MAP1B: variants seen among roughly 807,000 people sequenced by gnomAD.
MAP1B encodes microtubule-associated protein 1B.
In MAP1B, 12 loss-of-function variants were observed where a neutral mutation model predicts 176.1. The observed-to-expected ratio is 0.07, with a 90% CI of 0.04 to 0.11. The LOEUF is 0.11. Among genes scored for constraint, MAP1B ranks in the 10% least tolerant of loss-of-function variants. The pLI is 1.00. For missense variants in MAP1B, 2,523 were observed against 2,990.5 expected (o/e 0.84, Z 3.65); for synonymous variants, 1,044 against 1,135.0 (o/e 0.92, Z 1.61).
In MAP1B at chr5:72,145,916, T is replaced by C. The variant is rs142594897; in HGVS notation, c.286+30117T>C. On this transcript the variant is annotated intron_variant, in intron 2 of 6. Transcript: ENST00000296755. ...CACCAGCCAAATCCATTAAATTTCA[T>C]TGAGGAGTGAAGTAAGACCCAGAAA... 3.0e-4 allele frequency among the ~76,000 whole-genome samples: 45 copies of C among 152,326 alleles called. 1 individual carries two copies. Among genetic ancestry groups the C allele is most frequent in the East Asian group, 1.7e-3 (9 of 5,188 alleles).
chr5:72,186,470 G>A lies in MAP1B; in HGVS notation c.370-144G>A. ...CATTCAACCCTCCCGTGCTCTTCTG[G>A]CCTCCAGGAGAAATTAGACCTTTGG... is the stretch of plus-strand genomic sequence containing the variant. On this transcript the variant is annotated intron_variant, in intron 3 of 6. Transcript: ENST00000296755. This position sits in a 1 kb window ranked among gnomAD's most constrained non-coding sequence, Gnocchi z 4.3. 1.0e-6 allele frequency: 1 copy of A among 956,262 alleles called. No individual in the cohort carries two copies. The highest frequency in any genetic ancestry group is 1.6e-6 in the Non-Finnish European group (1 of 636,436). The allele number at this position is 956,262 out of a possible 1,614,324, so 59.2% of individuals were successfully genotyped here.
chr5:72,197,101 A>C lies in MAP1B; in HGVS notation c.3746A>C (p.Glu1249Ala). 3.7e-6 allele frequency: 6 copies of C among 1,614,222 alleles called. No homozygotes were observed. The highest frequency in any genetic ancestry group is 5.1e-6 in the Non-Finnish European group (6 of 1,180,044). ...IKDSISAVSSEKVSPSKSPSL... is the reference protein window; with the variant it reads ...IKDSISAVSSAKVSPSKSPSL... ...GATAGCATCTCAGCTGTTTCAAGTGAAAAGGTCAGCCCATCGAAGAGCCCG... is the reference window on the plus strand; with the variant it reads ...GATAGCATCTCAGCTGTTTCAAGTGCAAAGGTCAGCCCATCGAAGAGCCCG... The change falls in exon 5 of 7, where the codon GAA (glutamate) becomes GCA (alanine). Residue 1249 changes from glutamate to alanine, a missense_variant. Around this residue, in one of 4 missense-constraint regions of MAP1B, gnomAD observed 1,925 missense variants for 2,126.0 expected, o/e 0.91. Transcript: ENST00000296755.
chr5:72,132,026 T>A (rs1337174959), intron 2 of MAP1B, among the ~76,000 whole-genome samples: 1 of 152,234 alleles, frequency 6.6e-6, no homozygotes, highest in Non-Finnish European at 1.5e-5. Flanking sequence ...ATAAAGATAC[T>A]TCTATTACTT....
chr5:72,160,516 A>AT lies in MAP1B; in HGVS notation c.287-23226dup, dbSNP rs374001000. On this transcript the variant is annotated intron_variant, in intron 2 of 6. Transcript: ENST00000296755. ...TCCCTTTAGGTGGGAGGGTTCATGAATGTTCCTGTGGTTGGTTGTTCCATG... is the reference window on the plus strand; with the variant it reads ...TCCCTTTAGGTGGGAGGGTTCATGAATTGTTCCTGTGGTTGGTTGTTCCATG... Among the ~76,000 whole-genome samples, 416 of 152,250 alleles carry AT rather than the reference A, an allele frequency of 2.7e-3. 7 individuals carry two copies. Among genetic ancestry groups the AT allele is most frequent in the African/African-American group, 9.8e-3 (406 of 41,552 alleles).
At chr5:72,110,599 T>G (rs1745313563) in intron 1 of MAP1B, among the ~76,000 whole-genome samples, 1 of 152,226 alleles carries the variant, frequency 6.6e-6, no homozygotes, top group Admixed American at 6.5e-5. Flanking sequence ...CTGTTGTTGC[T>G]TGGTGCCTTT....
At chr5:72,184,713 C>T (rs1746853867) in intron 3 of MAP1B, among the ~76,000 whole-genome samples, 1 of 152,174 alleles carries the variant, frequency 6.6e-6, no homozygotes, top group South Asian at 2.1e-4. Context: ...AGAGTTGCTT[C>T]TCGGACATGA....
intron 2 of MAP1B, among the ~76,000 whole-genome samples, chr5:72,124,209 G>A (rs776064178): frequency 3.3e-5 from 5 of 152,034 alleles, no homozygotes; most frequent in South Asian, 2.1e-4. Context: ...TTGTTTTCTC[G>A]GCTGTGATCT....
At chr5:72,161,956 C>CAAAAAAAAAAAAA (rs4043357) in intron 2 of MAP1B, among the ~76,000 whole-genome samples, 10 of 85,020 alleles carry the variant, frequency 1.2e-4, no homozygotes, top group East Asian at 3.1e-4. Context: ...AATTCCGTCT[C>CAAAAAAAAAAAAA]AAAAAAAAAA....
intron 4 of MAP1B, among the ~76,000 whole-genome samples, chr5:72,187,924 T>G (rs1746945044): frequency 6.6e-6 from 1 of 152,206 alleles, no homozygotes; most frequent in Non-Finnish European, 1.5e-5. Context: ...GTCATCTGCA[T>G]CTTGAAACAC....
rs1260518206 is a variant in MAP1B, at chr5:72,197,795, T to G, written c.4440T>G (p.Asp1480Glu). ...EDFGQEKKTDDVEAMSSQPAL... is the reference protein window; with the variant it reads ...EDFGQEKKTDEVEAMSSQPAL... Reference sequence around the variant, plus strand: ...TTGGCCAAGAAAAGAAAACTGATGATGTTGAAGCCATGAGTTCTCAACCAG... The same window carrying G: ...TTGGCCAAGAAAAGAAAACTGATGAGGTTGAAGCCATGAGTTCTCAACCAG... Residue 1480 changes from aspartate (D) to glutamate (E), a missense_variant, in exon 5 of 7, where the codon GAT (aspartate) becomes GAG (glutamate). This residue lies in a region of MAP1B where 1,925 missense variants were observed against 2,126.0 expected (regional missense o/e 0.91). Coordinates refer to ENST00000296755, the MANE Select transcript of MAP1B (RefSeq NM_005909.5). 1.9e-6 allele frequency: 3 copies of G among 1,614,218 alleles called. No homozygotes were observed. Among genetic ancestry groups the G allele is most frequent in the Non-Finnish European group, 2.5e-6 (3 of 1,180,032 alleles).
intron 2 of MAP1B, among the ~76,000 whole-genome samples, chr5:72,126,531 T>C (rs961996934): frequency 7.2e-5 from 11 of 152,232 alleles, no homozygotes; most frequent in Non-Finnish European, 1.3e-4. Flanking sequence ...CTCTCTCCCA[T>C]GGATCTAGAT....
Position 72,194,110 on chromosome 5 carries a change from G to A in MAP1B, c.755G>A (p.Gly252Asp). 1 of 1,614,216 alleles carries A rather than the reference G, an allele frequency of 6.2e-7. No homozygotes were observed. The highest frequency in any genetic ancestry group is 8.5e-7 in the Non-Finnish European group (1 of 1,180,040). The change falls in exon 5 of 7, where the codon GGT becomes GAT. Residue 252 changes from glycine to aspartate, a missense_variant. Transcript: ENST00000296755. This position sits in a 1 kb window ranked among gnomAD's most constrained non-coding sequence, Gnocchi z 7.2. ...PFDILEPPTSGGFLKLSKPCC... is the reference protein window; with the variant it reads ...PFDILEPPTSDGFLKLSKPCC... ...GACATCTTGGAACCTCCCACATCGG[G>A]TGGATTTCTGAAGCTCTCCAAGCCC...
intron 1 of MAP1B, among the ~76,000 whole-genome samples, chr5:72,114,767 A>G (rs556361950): frequency 6.6e-6 from 1 of 152,282 alleles, no homozygotes; most frequent in African/African-American, 2.4e-5. Flanking sequence ...GGAGGAAGGA[A>G]GAGGCTAGAG....
chr5:72,151,973 G>A (rs574451007), intron 2 of MAP1B, among the ~76,000 whole-genome samples: 1 of 152,286 alleles, frequency 6.6e-6, no homozygotes, highest in African/African-American at 2.4e-5. Flanking sequence ...TTCCCCTACT[G>A]TTAGCAACTT....
Position 72,208,942 on chromosome 5 carries a change from G to A in MAP1B, c.*3703G>A, listed in dbSNP as rs1274862181. On this transcript the variant is annotated 3_prime_UTR_variant, in exon 7 of 7. Coordinates refer to ENST00000296755, the MANE Select transcript of MAP1B (RefSeq NM_005909.5). ...AGAAGAAAAGATCCTGTTTCCATTT[G>A]AAAGGAACTGTAAGCTTTTATCTTT... 1 of 151,856 alleles carries A rather than the reference G, an allele frequency of 6.6e-6. No individual in the cohort carries two copies. Among genetic ancestry groups the A allele is most frequent in the Non-Finnish European group, 1.5e-5 (1 of 67,964 alleles). The allele number at this position is 151,856 out of a possible 1,614,324, so 9.4% of individuals were successfully genotyped here.
chr5:72,149,843 A>G (rs1417123688), intron 2 of MAP1B, among the ~76,000 whole-genome samples: 2 of 152,174 alleles, frequency 1.3e-5, no homozygotes, highest in Non-Finnish European at 2.9e-5. Context: ...TAGAAATAAG[A>G]ATTTAAGTGT....
chr5:72,146,320 T>G (rs1036924851), intron 2 of MAP1B, among the ~76,000 whole-genome samples: 1 of 152,198 alleles, frequency 6.6e-6, no homozygotes, highest in Non-Finnish European at 1.5e-5. Context: ...AGGCCACCTT[T>G]CTAGTGATTT....
intron 1 of MAP1B, among the ~76,000 whole-genome samples, chr5:72,113,637 G>A (rs1745381866): frequency 6.6e-6 from 1 of 152,094 alleles, no homozygotes; most frequent in African/African-American, 2.4e-5. Context: ...TTAGAACAAA[G>A]ACAGAAAAAT....
chr5:72,163,930 CTTTTTTTTTTT>C (rs869167918), intron 2 of MAP1B, among the ~76,000 whole-genome samples: 3 of 43,698 alleles, frequency 6.9e-5, no homozygotes, highest in Admixed American at 7.9e-4. Context: ...TTTTTTTTTT[CTTTTTTTTTTT>C]TTTTTTTTTT....
Sources: allele counts gnomAD v4.1 joint callset (sites outside exome capture counted in the v4.1 genomes callset), GRCh38; gene constraint gnomAD v4.1.1; regional missense constraint gnomAD v4.1.1; non-coding constraint Gnocchi (gnomAD v3.1); transcripts MANE v1.5; gene names NCBI Gene and HGNC (gene_info 2026-07-23, HGNC 2026-07-21).